The following GYG1 variants were observed in gnomAD, a reference collection of about 807,000 sequenced individuals.
GYG1 encodes glycogenin-1.
GYG1 carries 44 observed loss-of-function variants against 41.9 expected under a neutral mutation model. The ratio of observed to expected loss-of-function variants is 1.05; its 90% confidence interval spans 0.83 to 1.35. GYG1 has a LOEUF of 1.35. Among genes scored for constraint, GYG1 ranks in the 40% most tolerant of loss-of-function variants. The probability of loss-of-function intolerance (pLI) is 0.00; values close to 1 mark genes in which losing one functional copy is unlikely to be tolerated. For missense variants in GYG1, 429 were observed against 418.9 expected (o/e 1.02, Z -0.21); for synonymous variants, 141 against 158.1 (o/e 0.89, Z 0.81).
intron 4 of GYG1, among the ~76,000 whole-genome samples, chr3:149,005,266 G>A (rs550182297): frequency 1.3e-5 from 2 of 151,984 alleles, no homozygotes; most frequent in East Asian, 3.9e-4. Flanking sequence ...TCTCATTCTT[G>A]CCCCCAGTTG....
intron 5 of GYG1, among the ~76,000 whole-genome samples, chr3:149,023,470 G>A (rs1714477012): frequency 1.3e-5 from 2 of 152,124 alleles, no homozygotes; most frequent in South Asian, 4.1e-4. Context: ...ATATGCTTAG[G>A]AGCTGAGCTG....
chr3:148,996,229 T>C, intron 2 of GYG1, 73 bp from the exon 3 acceptor site: 1 of 1,007,126 alleles, frequency 9.9e-7, no homozygotes, highest in Non-Finnish European at 1.6e-6. Context: ...TAATAAAGCA[T>C]CAGTCTTACA....
At chr3:149,013,356 T>C (rs941860095) in intron 5 of GYG1, among the ~76,000 whole-genome samples, 1 of 152,200 alleles carries the variant, frequency 6.6e-6, no homozygotes, top group Admixed American at 6.5e-5. Flanking sequence ...TCGTTTAGTT[T>C]CATTTTTGCT....
rs1714692770 is a variant in GYG1 at position 149,026,988 on chromosome 3, T to G, written c.*55T>G. ...ACTTCACAAGCCTTGTTTCTGATAC[T>G]TAGTATCTAGAGCTGGGTTGAGAAA... On this transcript the variant is annotated 3_prime_UTR_variant, in exon 8 of 8. Transcript: ENST00000345003. 2 of 1,575,528 alleles carry G rather than the reference T, an allele frequency of 1.3e-6. No homozygotes were observed. Among genetic ancestry groups the G allele is most frequent in the Non-Finnish European group, 1.7e-6 (2 of 1,144,714 alleles).
chr3:149,017,466 T>C (rs1424627575), intron 5 of GYG1, among the ~76,000 whole-genome samples: 3 of 151,892 alleles, frequency 2.0e-5, no homozygotes, highest in African/African-American at 4.8e-5. Context: ...GTGAATCTTA[T>C]GGTTATCCTT....
At position 148,996,771 on chromosome 3, in the gene GYG1, C is replaced by T; in HGVS notation, c.348C>T (p.Asp116=). The change falls in exon 4 of 8, where the codon GAC becomes GAT. Residue 116 remains aspartate, a synonymous_variant. Coordinates refer to ENST00000345003, the MANE Select transcript of GYG1 (RefSeq NM_004130.4). The part of the protein sequence containing the change: ...LVLANIDDLF[D]REELSAAPDP... ...TAGCAAATATTGATGATCTTTTTGA[C>T]AGAGAAGAATTGTCAGCAGCACCAG... 2.5e-6 allele frequency: 4 copies of T among 1,613,936 alleles called. No homozygotes were observed. The highest frequency in any genetic ancestry group is 3.4e-6 in the Non-Finnish European group (4 of 1,179,790).
chr3:149,014,610 C>A (rs1713917134), intron 5 of GYG1, among the ~76,000 whole-genome samples: 1 of 151,594 alleles, frequency 6.6e-6, no homozygotes. Context: ...CTTTGGGAGG[C>A]CAAGGAGGGA....
chr3:149,020,831 G>A (rs1433550171), intron 5 of GYG1, among the ~76,000 whole-genome samples: 1 of 152,204 alleles, frequency 6.6e-6, no homozygotes, highest in East Asian at 1.9e-4. Flanking sequence ...GATCTAAGTA[G>A]GTGCTGTGGC....
chr3:149,007,823 CATGCA>C (rs1208565442), intron 4 of GYG1, among the ~76,000 whole-genome samples: 1 of 152,200 alleles, frequency 6.6e-6, no homozygotes, highest in Non-Finnish European at 1.5e-5. Flanking sequence ...CACTCATGCA[CATGCA>C]CACACATCGT....
At chr3:149,000,206 C>A (rs1436633987) in intron 4 of GYG1, among the ~76,000 whole-genome samples, 2 of 152,206 alleles carry the variant, frequency 1.3e-5, no homozygotes, top group Non-Finnish European at 2.9e-5. Context: ...TCCTAAAATT[C>A]TATAATGTTA....
chr3:149,016,188 G>A (rs1714016713), intron 5 of GYG1, among the ~76,000 whole-genome samples: 1 of 150,204 alleles, frequency 6.7e-6, no homozygotes, highest in Non-Finnish European at 1.5e-5. Flanking sequence ...GTGAACCCAG[G>A]AGGTGGAGCT....
intron 5 of GYG1, among the ~76,000 whole-genome samples, chr3:149,019,185 C>T (rs541386179): frequency 2.0e-5 from 3 of 152,210 alleles, no homozygotes; most frequent in South Asian, 2.1e-4. Flanking sequence ...GAATCCTTTG[C>T]GTGATTTCTG....
Position 149,026,515 on chromosome 3 carries a change from T to G in GYG1, c.879+13T>G. The G allele has an allele frequency of 6.4e-7, 1 of 1,552,688 alleles. No individual in the cohort carries two copies. The highest frequency in any genetic ancestry group is 8.9e-7 in the Non-Finnish European group (1 of 1,123,924). On this transcript the variant is annotated intron_variant, in intron 7 of 7. Transcript: ENST00000345003. ...CTTCTGTAGAAAGGTATGCAGAACT[T>G]AAAGATTAACCCTAATTACTTTGTT...
At chr3:149,015,577 A>G (rs1713974353) in intron 5 of GYG1, among the ~76,000 whole-genome samples, 1 of 152,236 alleles carries the variant, frequency 6.6e-6, no homozygotes, top group Admixed American at 6.5e-5. Flanking sequence ...ATGAGGTCAG[A>G]TACAAGACAA....
In GYG1 at chr3:149,028,080, C is replaced by T. The variant is rs564115663; in HGVS notation, c.*1147C>T. 5.9e-5 allele frequency among the ~76,000 whole-genome samples: 9 copies of T among 152,162 alleles called. 1 individual carries two copies. The South Asian group carries it at 1.0e-3, about 18-fold the overall frequency. The stretch of plus-strand genomic sequence containing the variant: ...TAAAGAAGGGTAGGATCCAAGATGA[C>T]CTTTTAAAACTAAAATGAGTGGTCA... On this transcript the variant is annotated 3_prime_UTR_variant, in exon 8 of 8. Coordinates refer to ENST00000345003, the MANE Select transcript of GYG1 (RefSeq NM_004130.4).
At chr3:148,993,901 A>G (rs1188249028) in intron 1 of GYG1, among the ~76,000 whole-genome samples, 1 of 152,188 alleles carries the variant, frequency 6.6e-6, no homozygotes, top group Non-Finnish European at 1.5e-5. Context: ...AGCGTGTCGG[A>G]TTTAATTTCT....
At chr3:149,006,858 G>A (rs969866975) in intron 4 of GYG1, among the ~76,000 whole-genome samples, 4 of 152,220 alleles carry the variant, frequency 2.6e-5, no homozygotes, top group African/African-American at 9.6e-5. Context: ...AGCCTTTAAT[G>A]AATGGCATGA....
At chr3:149,026,724 C>T (rs762553121) in intron 7 of GYG1, 36 bp from the exon 8 acceptor site, 11 of 1,421,310 alleles carry the variant, frequency 7.7e-6, no homozygotes, top group Non-Finnish European at 1.1e-5. Context: ...GTTTGATTTT[C>T]AGCTCTCATA....
chr3:149,023,283 A>G (rs7644579), intron 5 of GYG1, among the ~76,000 whole-genome samples: 47,178 of 152,134 alleles, frequency 0.31, 7,258 homozygotes, highest in East Asian at 0.33. Context: ...GTCCAACATC[A>G]GGTGGGAAAG....
Sources: allele counts gnomAD v4.1 joint callset (sites outside exome capture counted in the v4.1 genomes callset), GRCh38; gene constraint gnomAD v4.1.1; transcripts MANE v1.5; gene names NCBI Gene and HGNC (gene_info 2026-07-23, HGNC 2026-07-21).